CHLSN: variants seen among roughly 807,000 people sequenced by gnomAD.
CHLSN encodes protein cholesin.
the CHLSN span, among the ~76,000 whole-genome samples, chr7:1,086,070 T>C: frequency 1.2e-3 from 186 of 152,326 alleles, 1 homozygote; most frequent in African/African-American, 4.3e-3. Context: ...GCTGACTCTA[T>C]GCTGCAAGCA....
the CHLSN span, chr7:984,427 G>C: frequency 5.8e-6 from 9 of 1,548,224 alleles, no homozygotes; most frequent in Admixed American, 7.8e-5. Flanking sequence ...AGAACGCTAC[G>C]GGCCGGTGTT....
chr7:1,096,265 G>A, the CHLSN span, among the ~76,000 whole-genome samples: 1 of 152,250 alleles, frequency 6.6e-6, no homozygotes, highest in Non-Finnish European at 1.5e-5. The surrounding 1 kb of genome is among the most constrained non-coding windows in gnomAD (Gnocchi z 4.6). Flanking sequence ...GCCGCCGGAA[G>A]CAGACTCTTG....
chr7:1,037,178 C>CA, the CHLSN span, among the ~76,000 whole-genome samples: 25 of 145,202 alleles, frequency 1.7e-4, 1 homozygote, highest in African/African-American at 6.2e-4. Context: ...AGGGCATCTA[C>CA]AAAAAATCTG....
chr7:982,264 G>A, the CHLSN span, among the ~76,000 whole-genome samples: 1 of 152,058 alleles, frequency 6.6e-6, no homozygotes, highest in African/African-American at 2.4e-5. Flanking sequence ...GCTAATCAAG[G>A]GGGACCAACC....
At chr7:1,076,543 G>T in the CHLSN span, among the ~76,000 whole-genome samples, 1 of 152,262 alleles carries the variant, frequency 6.6e-6, no homozygotes, top group Admixed American at 6.5e-5. Flanking sequence ...GCCCGAGAGG[G>T]TTCCCCTAAC....
At chr7:1,088,945 A>C in the CHLSN span, among the ~76,000 whole-genome samples, 1 of 151,844 alleles carries the variant, frequency 6.6e-6, no homozygotes. The surrounding 1 kb of genome is among the most constrained non-coding windows in gnomAD (Gnocchi z 4.5). Context: ...CGATCAAAAG[A>C]CTCAATTTAC....
the CHLSN span, among the ~76,000 whole-genome samples, chr7:1,005,063 G>A: frequency 5.0e-4 from 76 of 152,332 alleles, no homozygotes; most frequent in African/African-American, 1.8e-3. Context: ...GGGAGGCCGA[G>A]GGCGGATCAC....
At chr7:985,027 GGCCGGGA>G in the CHLSN span, 1 of 1,612,218 alleles carries the variant, frequency 6.2e-7, no homozygotes, top group Non-Finnish European at 8.5e-7. Flanking sequence ...CCTGGGCGTG[GGCCGGGA>G]GCCGGTGGCT....
chr7:1,016,558 G>T, the CHLSN span, among the ~76,000 whole-genome samples: 1 of 138,768 alleles, frequency 7.2e-6, no homozygotes, highest in Non-Finnish European at 1.6e-5. Context: ...CCAGCGCACA[G>T]CAGCGCACAC....
the CHLSN span, among the ~76,000 whole-genome samples, chr7:1,050,884 G>T: frequency 6.6e-6 from 1 of 152,220 alleles, no homozygotes; most frequent in Non-Finnish European, 1.5e-5. Context: ...GGGTCTCGGA[G>T]AAACTCTACC....
At chr7:1,048,486 G>A in the CHLSN span, among the ~76,000 whole-genome samples, 1 of 152,000 alleles carries the variant, frequency 6.6e-6, no homozygotes, top group Non-Finnish European at 1.5e-5. Context: ...GAGAGGGGTG[G>A]TCACCATCCC....
At chr7:1,125,232 C>T in the CHLSN span, among the ~76,000 whole-genome samples, 1 of 152,230 alleles carries the variant, frequency 6.6e-6, no homozygotes, top group East Asian at 1.9e-4. Context: ...GGCTGGGTAG[C>T]CCAGGGACCC....
chr7:1,127,468 G>A, the CHLSN span: 9 of 1,312,878 alleles, frequency 6.9e-6, no homozygotes, highest in Non-Finnish European at 9.2e-6. Flanking sequence ...AAAGAGGTAG[G>A]GCACTCTCCC....
the CHLSN span, among the ~76,000 whole-genome samples, chr7:1,029,795 G>C: frequency 6.6e-6 from 1 of 152,372 alleles, no homozygotes; most frequent in Admixed American, 6.5e-5. Context: ...TGCAAGGCCG[G>C]AGTCAGGCCT....
At chr7:1,037,249 C>T in the CHLSN span, among the ~76,000 whole-genome samples, 27 of 139,562 alleles carry the variant, frequency 1.9e-4, 2 homozygotes, top group Non-Finnish European at 3.9e-4. Flanking sequence ...TGGAACAGTA[C>T]AATAAGGCAA....
chr7:1,131,191 TAAAA>T, the CHLSN span, among the ~76,000 whole-genome samples: 47,400 of 117,194 alleles, frequency 0.4, 9,524 homozygotes, highest in Middle Eastern at 0.51. Flanking sequence ...ACCTTGTGTT[TAAAA>T]AAAAAAAAAA....
the CHLSN span, among the ~76,000 whole-genome samples, chr7:1,018,941 A>G: frequency 6.6e-6 from 1 of 152,032 alleles, no homozygotes; most frequent in Non-Finnish European, 1.5e-5. Context: ...AGAACTGGGG[A>G]GTGGTCCGGG....
chr7:1,067,834 T>G, the CHLSN span, among the ~76,000 whole-genome samples: 1,062 of 124,732 alleles, frequency 8.5e-3, 21 homozygotes, highest in Non-Finnish European at 0.014. Flanking sequence ...GGGCACAGTC[T>G]TCACACAGGC....
At chr7:1,129,190 C>T in the CHLSN span, among the ~76,000 whole-genome samples, 1 of 23,990 alleles carries the variant, frequency 4.2e-5, no homozygotes, top group Non-Finnish European at 7.0e-5. Flanking sequence ...GGCGCGATCT[C>T]GGCTCATCCC....
Sources: allele counts gnomAD v4.1 joint callset (sites outside exome capture counted in the v4.1 genomes callset), GRCh38; gene constraint gnomAD v4.1.1; non-coding constraint Gnocchi (gnomAD v3.1); transcripts MANE v1.5; gene names NCBI Gene and HGNC (gene_info 2026-07-23, HGNC 2026-07-21).